MPHOSPH8: variants seen among roughly 807,000 people sequenced by gnomAD.
MPHOSPH8 encodes the protein M-phase phosphoprotein, mpp.
In MPHOSPH8, 45 loss-of-function variants were observed where a neutral mutation model predicts 87.3. The observed-to-expected ratio is 0.52, with a 90% CI of 0.41 to 0.66. The LOEUF (loss-of-function observed/expected upper bound fraction) is 0.66, where lower values mean the gene tolerates loss of function less well. Ranked by LOEUF, MPHOSPH8 falls within the 30% of genes least tolerant of loss-of-function variation. MPHOSPH8 has a pLI of 0.00. For synonymous variants in MPHOSPH8, 366 were observed against 376.9 expected, an observed-to-expected ratio of 0.97 and a Z score of 0.33; for missense variants, 883 against 1,020.2, an observed-to-expected ratio of 0.87 and a Z score of 1.83.
chr13:19,663,134 C>T lies in MPHOSPH8; in HGVS notation c.2019+8C>T. The stretch of plus-strand genomic sequence containing the variant: ...GAGACTGCACTGATGAAGGTAAATC[C>T]CTCCTGCAGGTCATCCCTTTCTTCA... On this transcript the variant is annotated splice_region_variant and intron_variant, in intron 9 of 13. Coordinates refer to ENST00000361479, the MANE Select transcript of MPHOSPH8 (RefSeq NM_017520.4). 6.2e-7 allele frequency: 1 copy of T among 1,608,388 alleles called. No homozygotes were observed. The highest frequency in any genetic ancestry group is 8.5e-7 in the Non-Finnish European group (1 of 1,175,030).
chr13:19,658,303 G>C (rs1420345906), intron 5 of MPHOSPH8, among the ~76,000 whole-genome samples: 1 of 152,204 alleles, frequency 6.6e-6, no homozygotes, highest in Non-Finnish European at 1.5e-5. Context: ...CCATCAAGTA[G>C]TTCTGTTTTT....
Position 19,673,296 on chromosome 13 carries a change from C to A in MPHOSPH8, c.*1421C>A. 1 of 357,668 alleles carries A rather than the reference C, an allele frequency of 2.8e-6. No homozygotes were observed. Among genetic ancestry groups the A allele is most frequent in the Non-Finnish European group, 5.5e-6 (1 of 181,032 alleles). 22.2% of individuals were successfully genotyped at this position (357,668 alleles called of 1,614,324 possible). On this transcript the variant is annotated 3_prime_UTR_variant, in exon 14 of 14. Transcript: ENST00000361479. ...GGAGAAGTTGAAAATTGTTTTGTTCCTCATTAGTTTATAATTGTATGAAAT... is the reference window on the plus strand; with the variant it reads ...GGAGAAGTTGAAAATTGTTTTGTTCATCATTAGTTTATAATTGTATGAAAT...
At chr13:19,637,993 C>T (rs1026186158) in intron 1 of MPHOSPH8, among the ~76,000 whole-genome samples, 7 of 150,792 alleles carry the variant, frequency 4.6e-5, no homozygotes, top group East Asian at 2.0e-4. Flanking sequence ...CCCAGCTACT[C>T]GGGAGGCTGA....
chr13:19,635,400 C>T (rs1873952768), intron 1 of MPHOSPH8, among the ~76,000 whole-genome samples: 1 of 152,060 alleles, frequency 6.6e-6, no homozygotes. Context: ...AGGTAGCGGG[C>T]GCCAGTAATC....
At chr13:19,663,217 TGA>T in intron 9 of MPHOSPH8, 91 bp downstream of exon 9, 1 of 1,153,764 alleles carries the variant, frequency 8.7e-7, no homozygotes, top group Non-Finnish European at 1.3e-6. Context: ...TGCTGGGGAC[TGA>T]GAACAGAGTG....
At position 19,647,054 on chromosome 13, in the gene MPHOSPH8, A is replaced by G; in HGVS notation, c.981A>G (p.Arg327=). ...AMSAEEDTDV[R]GRRKKKTPRK... Reference sequence around the variant, plus strand: ...GTGCTGAGGAGGATACCGATGTCAGAGGCAGGAGGAAAAAGAAGACCCCGA... The same window carrying G: ...GTGCTGAGGAGGATACCGATGTCAGGGGCAGGAGGAAAAAGAAGACCCCGA... The change falls in exon 3 of 14, where the codon AGA becomes AGG. Residue 327 remains arginine (R), a synonymous_variant. Transcript: ENST00000361479. The G allele has an allele frequency of 6.2e-7, 1 of 1,606,736 alleles. No individual in the cohort carries two copies. Among genetic ancestry groups the G allele is most frequent in the South Asian group, 1.1e-5 (1 of 90,834 alleles).
At chr13:19,652,462 A>G (rs1038867222) in intron 5 of MPHOSPH8, among the ~76,000 whole-genome samples, 1 of 152,136 alleles carries the variant, frequency 6.6e-6, no homozygotes, top group Non-Finnish European at 1.5e-5. Context: ...TCTGGTGGCT[A>G]TGCCGCCAGG....
chr13:19,644,222 A>G (rs1874454783), intron 2 of MPHOSPH8, among the ~76,000 whole-genome samples: 1 of 152,174 alleles, frequency 6.6e-6, no homozygotes, highest in African/African-American at 2.4e-5. Context: ...TGAGTATGTA[A>G]AATACTTAAT....
chr13:19,647,647 CTA>C, intron 3 of MPHOSPH8, among the ~76,000 whole-genome samples: 1 of 152,224 alleles, frequency 6.6e-6, no homozygotes, highest in East Asian at 1.9e-4. Flanking sequence ...GAGTATACCA[CTA>C]TTAAATAATA....
rs1437386376 is a variant in MPHOSPH8, at chr13:19,647,227, C to T, written c.1154C>T (p.Thr385Met). 24 of 1,613,880 alleles carry T rather than the reference C, an allele frequency of 1.5e-5. No homozygotes were observed. Among genetic ancestry groups the T allele is most frequent in the Non-Finnish European group, 1.8e-5 (21 of 1,179,978 alleles). ...LEKLMPVSAQ[T>M]PKGRRLSGEE... ...AAGCTGATGCCTGTATCTGCCCAAACGCCAAAGGGCCGGAGGTTGAGCGGG... is the reference window on the plus strand; with the variant it reads ...AAGCTGATGCCTGTATCTGCCCAAATGCCAAAGGGCCGGAGGTTGAGCGGG... Residue 385 changes from threonine to methionine, a missense_variant, in exon 3 of 14, where the codon ACG becomes ATG. By Grantham distance (81) the Thr-to-Met change is moderately conservative. Transcript: ENST00000361479.
rs552475791 is a variant in MPHOSPH8 at position 19,646,966 on chromosome 13, A to G, written c.893A>G (p.Glu298Gly). ...AAACAAAACACTAAAAGTGCAAGAGAGAGAGCAGGGCAGGACATGGGGCTG... is the reference window on the plus strand; with the variant it reads ...AAACAAAACACTAAAAGTGCAAGAGGGAGAGCAGGGCAGGACATGGGGCTG... The part of the protein sequence containing the change: ...EEKQNTKSAR[E>G]RAGQDMGLEH... Residue 298 changes from glutamate (E) to glycine (G), a missense_variant, in exon 3 of 14, where the codon GAG (glutamate) becomes GGG (glycine). Around this residue, in one of 3 missense-constraint regions of MPHOSPH8, gnomAD observed 741 missense variants for 841.5 expected, o/e 0.88. Transcript: ENST00000361479. 3.1e-6 allele frequency: 5 copies of G among 1,593,408 alleles called. No homozygotes were observed. The highest frequency in any genetic ancestry group is 3.4e-6 in the Non-Finnish European group (4 of 1,174,764).
At chr13:19,651,743 G>C (rs1459369520) in intron 5 of MPHOSPH8, among the ~76,000 whole-genome samples, 1 of 152,008 alleles carries the variant, frequency 6.6e-6, no homozygotes. Flanking sequence ...AATGACATGG[G>C]AAAATTCCTT....
chr13:19,638,559 G>A (rs1874119909), intron 1 of MPHOSPH8, among the ~76,000 whole-genome samples: 1 of 151,592 alleles, frequency 6.6e-6, no homozygotes, highest in Admixed American at 6.6e-5. Context: ...GTTGTGGTGA[G>A]CCGAGATCGT....
chr13:19,660,731 A>G (rs1290747560), intron 7 of MPHOSPH8, among the ~76,000 whole-genome samples: 1 of 151,822 alleles, frequency 6.6e-6, no homozygotes, highest in Non-Finnish European at 1.5e-5. Context: ...TTTCATTTAC[A>G]TTTTGTTTTC....
chr13:19,669,157 T>C (rs1030420496), intron 11 of MPHOSPH8, among the ~76,000 whole-genome samples: 2 of 152,172 alleles, frequency 1.3e-5, no homozygotes, highest in Non-Finnish European at 2.9e-5. Context: ...CCGTTTGTAA[T>C]ATCTTAGTGT....
chr13:19,638,396 C>T (rs894989640), intron 1 of MPHOSPH8, among the ~76,000 whole-genome samples: 1 of 152,000 alleles, frequency 6.6e-6, no homozygotes, highest in East Asian at 1.9e-4. Flanking sequence ...AGACGGATCA[C>T]GAGGTCAGGA....
chr13:19,658,084 G>C (rs1875296163), intron 5 of MPHOSPH8, among the ~76,000 whole-genome samples: 1 of 152,230 alleles, frequency 6.6e-6, no homozygotes, highest in African/African-American at 2.4e-5. Flanking sequence ...CTGGGATGCT[G>C]CACCAGGATG....
intron 9 of MPHOSPH8, among the ~76,000 whole-genome samples, chr13:19,664,369 G>A (rs1875705370): frequency 6.6e-6 from 1 of 152,154 alleles, no homozygotes; most frequent in Admixed American, 6.5e-5. Flanking sequence ...ACCCTGAACT[G>A]CAGCCACGCA....
In MPHOSPH8 at chr13:19,633,691, G is replaced by A. The variant is rs1203634384; in HGVS notation, c.-58G>A. 5 of 1,533,844 alleles carry A rather than the reference G, an allele frequency of 3.3e-6. No homozygotes were observed. The highest frequency in any genetic ancestry group is 1.4e-5 in the African/African-American group (1 of 72,962). ...AGTAGGGCCGAGCGCGGAACGCGAG[G>A]GGCTGCTGGGGTGTTTGTCGCAGCG... On this transcript the variant is annotated 5_prime_UTR_variant, in exon 1 of 14. Coordinates refer to ENST00000361479, the MANE Select transcript of MPHOSPH8 (RefSeq NM_017520.4).
Sources: allele counts gnomAD v4.1 joint callset (sites outside exome capture counted in the v4.1 genomes callset), GRCh38; gene constraint gnomAD v4.1.1; regional missense constraint gnomAD v4.1.1; transcripts MANE v1.5; gene names NCBI Gene and HGNC (gene_info 2026-07-23, HGNC 2026-07-21).